CDH2: variants seen among roughly 807,000 people sequenced by gnomAD.
CDH2 encodes the protein cadherin-2.
Under a neutral mutation model 92.0 loss-of-function variants are expected in CDH2, and 17 were observed. The observed-to-expected ratio is 0.18, with a 90% CI of 0.13 to 0.28. The LOEUF is 0.28. Ranked by LOEUF, CDH2 falls within the 10% of genes least tolerant of loss-of-function variation. The pLI, the probability that CDH2 is intolerant of heterozygous loss-of-function variation, is 1.00. For synonymous variants in CDH2, 419 were observed against 415.9 expected (o/e 1.01, Z -0.09); for missense variants, 862 against 1,133.1 (o/e 0.76, Z 3.44).
intron 14 of CDH2, among the ~76,000 whole-genome samples, chr18:27,980,982 T>C (rs939660710): frequency 6.6e-6 from 1 of 152,132 alleles, no homozygotes; most frequent in African/African-American, 2.4e-5. Flanking sequence ...CTAACATAAC[T>C]ATAACAATAC....
At chr18:28,123,987 G>C (rs2144277568) in intron 2 of CDH2, among the ~76,000 whole-genome samples, 1 of 152,232 alleles carries the variant, frequency 6.6e-6, no homozygotes, top group South Asian at 2.1e-4. Flanking sequence ...TCAATTTTAA[G>C]AATGATGTAG....
At position 28,000,547 on chromosome 18, in the gene CDH2, T is replaced by C. The variant is rs768615484; in HGVS notation, c.1020+2450A>G. ...CAGCCCATACTAAGCAGAGCCAGAG[T>C]TCAAACCTGGGGGGAGCAGGGGTGA... is the stretch of plus-strand genomic sequence containing the variant. On this transcript the variant is annotated intron_variant, in intron 7 of 15. Coordinates refer to ENST00000269141, the MANE Select transcript of CDH2 (RefSeq NM_001792.5). 3.9e-5 allele frequency among the ~76,000 whole-genome samples: 6 copies of C among 152,050 alleles called. No individual in the cohort carries two copies. In the East Asian group the frequency reaches 7.8e-4, roughly 20 times the overall value.
chr18:27,970,956 G>A (rs1037543011), intron 14 of CDH2, among the ~76,000 whole-genome samples: 3 of 152,188 alleles, frequency 2.0e-5, no homozygotes, highest in African/African-American at 7.2e-5. Flanking sequence ...TCTATGTGTA[G>A]GCTGGGCGCG....
At chr18:28,040,503 T>A (rs2013927903) in intron 2 of CDH2, among the ~76,000 whole-genome samples, 2 of 152,148 alleles carry the variant, frequency 1.3e-5, no homozygotes, top group African/African-American at 4.8e-5. Flanking sequence ...GTTCCAACAA[T>A]CTGCAGTCAA....
chr18:28,077,079 C>G (rs1251490728), intron 2 of CDH2, among the ~76,000 whole-genome samples: 1 of 152,042 alleles, frequency 6.6e-6, no homozygotes, highest in Non-Finnish European at 1.5e-5. Context: ...AAAGTGGGTA[C>G]TAAACAATTT....
chr18:28,020,506 T>C (rs1402765298), intron 2 of CDH2, among the ~76,000 whole-genome samples: 2 of 152,028 alleles, frequency 1.3e-5, no homozygotes, highest in East Asian at 1.9e-4. Flanking sequence ...GAGAAATACA[T>C]AGTCCACTGG....
intron 7 of CDH2, 146 bp from the exon 8 acceptor site, chr18:27,993,783 T>G: frequency 1.6e-6 from 1 of 641,876 alleles, no homozygotes; most frequent in East Asian, 2.7e-5. Flanking sequence ...GCAAGTGGAG[T>G]TTCCTTTAAC....
intron 2 of CDH2, among the ~76,000 whole-genome samples, chr18:28,112,538 ATAAGT>A (rs1219551750): frequency 1.3e-5 from 2 of 152,236 alleles, no homozygotes; most frequent in African/African-American, 4.8e-5. Context: ...CGCACTTAAA[ATAAGT>A]TAACAGGCAG....
chr18:28,038,425 GTGT>G (rs2013881205), intron 2 of CDH2, among the ~76,000 whole-genome samples: 2 of 60,726 alleles, frequency 3.3e-5, no homozygotes, highest in African/African-American at 2.9e-4. Context: ...TGTCTCAAGT[GTGT>G]GTGTGTGTGT....
At chr18:28,046,318 T>C (rs1025289701) in intron 2 of CDH2, among the ~76,000 whole-genome samples, 1 of 152,184 alleles carries the variant, frequency 6.6e-6, no homozygotes, top group Non-Finnish European at 1.5e-5. Flanking sequence ...ACTAAACTTT[T>C]AGAAAAAATC....
At chr18:27,962,661 G>T (rs1240785256) in intron 15 of CDH2, among the ~76,000 whole-genome samples, 1 of 152,112 alleles carries the variant, frequency 6.6e-6, no homozygotes, top group Non-Finnish European at 1.5e-5. Context: ...AAATTCAAAA[G>T]AATTACAGTA....
At chr18:28,161,528 C>A (rs542892640) in intron 1 of CDH2, among the ~76,000 whole-genome samples, 1 of 146,498 alleles carries the variant, frequency 6.8e-6, no homozygotes. Flanking sequence ...TGCAGTGAGC[C>A]GAGACTGCAT....
chr18:27,971,334 C>A (rs2011653747), intron 14 of CDH2, among the ~76,000 whole-genome samples: 1 of 135,532 alleles, frequency 7.4e-6, no homozygotes, highest in African/African-American at 2.8e-5. Flanking sequence ...TTGCATAGTA[C>A]TAATACATAC....
At chr18:28,137,034 G>GA (rs1568012865) in intron 2 of CDH2, among the ~76,000 whole-genome samples, 2 of 151,702 alleles carry the variant, frequency 1.3e-5, no homozygotes, top group East Asian at 1.9e-4. Flanking sequence ...CAGAACACTA[G>GA]AAAAAAAAGT....
At chr18:28,074,428 G>A (rs767526391) in intron 2 of CDH2, among the ~76,000 whole-genome samples, 15 of 152,092 alleles carry the variant, frequency 9.9e-5, no homozygotes, top group East Asian at 1.9e-4. Context: ...TGTATTTTTA[G>A]TAGAGATGGG....
intron 2 of CDH2, among the ~76,000 whole-genome samples, chr18:28,097,868 C>T (rs181671121): frequency 3.4e-4 from 52 of 152,184 alleles, no homozygotes; most frequent in Admixed American, 7.9e-4. Context: ...TTTCATGTTC[C>T]TAAAAAGATT....
chr18:28,129,469 T>C (rs531418039), intron 2 of CDH2, among the ~76,000 whole-genome samples: 1 of 152,292 alleles, frequency 6.6e-6, no homozygotes, highest in Admixed American at 6.5e-5. Flanking sequence ...CAGCTTACGA[T>C]TTCCAAAACA....
intron 2 of CDH2, among the ~76,000 whole-genome samples, chr18:28,027,675 C>T (rs535295193): frequency 6.6e-6 from 1 of 152,198 alleles, no homozygotes; most frequent in South Asian, 2.1e-4. Flanking sequence ...TTATTGTGTT[C>T]TCCCTTGTAT....
intron 2 of CDH2, among the ~76,000 whole-genome samples, chr18:28,082,003 C>G (rs542674499): frequency 9.2e-5 from 14 of 152,176 alleles, no homozygotes; most frequent in African/African-American, 3.4e-4. Context: ...CATAATAAGT[C>G]CAAGCTTAAG....
Sources: gnomAD v4.1 joint callset for allele counts (sites outside exome capture counted in the v4.1 genomes callset) on GRCh38, gnomAD v4.1.1 for gene constraint, MANE v1.5 for transcripts, NCBI Gene and HGNC (gene_info 2026-07-23, HGNC 2026-07-21) for gene names.